The following RELCH variants were observed in gnomAD, a reference collection of about 807,000 sequenced individuals.
RELCH encodes the protein RAB11 binding and LisH domain, coiled-coil and HEAT repeat containing.
RELCH carries 41 observed loss-of-function variants against 150.3 expected under a neutral mutation model. The ratio of observed to expected loss-of-function variants is 0.27; its 90% CI spans 0.21 to 0.35. The LOEUF (loss-of-function observed/expected upper bound fraction) is 0.35, where lower values mean the gene tolerates loss of function less well. Ranked by LOEUF, RELCH falls within the 10% of genes least tolerant of loss-of-function variation. RELCH has a pLI of 1.00. For missense variants in RELCH, 1,092 were observed against 1,467.8 expected (o/e 0.74, Z 4.18); for synonymous variants, 478 against 531.8 (o/e 0.90, Z 1.39).
At chr18:62,253,291 GTGTGTGTGTGTGTGTGTGTGTA>G (rs2042824818) in intron 12 of RELCH, among the ~76,000 whole-genome samples, 1 of 149,572 alleles carries the variant, frequency 6.7e-6, no homozygotes, top group African/African-American at 2.5e-5. Flanking sequence ...GTGTGTGTGT[GTGTGTGTGTGTGTGTGTGTGTA>G]AATAGAAATA....
At chr18:62,270,864 A>G (rs2043859198) in intron 20 of RELCH, among the ~76,000 whole-genome samples, 1 of 150,740 alleles carries the variant, frequency 6.6e-6, no homozygotes, top group African/African-American at 2.4e-5. Flanking sequence ...CTCATTGTTC[A>G]ATTCCCACCT....
chr18:62,231,310 T>C, intron 9 of RELCH, 41 bp downstream of exon 9: 1 of 1,250,516 alleles, frequency 8.0e-7, no homozygotes, highest in South Asian at 1.2e-5. Context: ...TTAAAAACAT[T>C]CTACTGTTTT....
chr18:62,273,243 C>T (rs568629643), intron 20 of RELCH, among the ~76,000 whole-genome samples: 55 of 151,864 alleles, frequency 3.6e-4, no homozygotes, highest in African/African-American at 1.2e-3. Flanking sequence ...CTTAATTTAG[C>T]GGGTTTTCTT....
chr18:62,271,382 A>T (rs1161394521), intron 20 of RELCH, among the ~76,000 whole-genome samples: 1 of 152,120 alleles, frequency 6.6e-6, no homozygotes, highest in Non-Finnish European at 1.5e-5. Flanking sequence ...GGCTGCATAA[A>T]TGTCTTCTTT....
At chr18:62,263,958 A>G (rs371741940) in intron 16 of RELCH, 31 bp from the exon 17 acceptor site, 215 of 1,585,106 alleles carry the variant, frequency 1.4e-4, no homozygotes, top group Non-Finnish European at 1.5e-4. Context: ...GCCAATTTCC[A>G]TATGATTTAT....
At chr18:62,244,720 C>G in intron 10 of RELCH, 44 bp from the exon 11 acceptor site, 4 of 1,206,876 alleles carry the variant, frequency 3.3e-6, no homozygotes, top group Non-Finnish European at 4.9e-6. Flanking sequence ...GAATATTCTG[C>G]AATGTGTTTT....
chr18:62,278,360 T>C (rs1215550421), intron 22 of RELCH, among the ~76,000 whole-genome samples: 1 of 152,196 alleles, frequency 6.6e-6, no homozygotes, highest in Non-Finnish European at 1.5e-5. Context: ...ATGTTTAAGA[T>C]ATTAAAAGTT....
intron 1 of RELCH, among the ~76,000 whole-genome samples, chr18:62,207,834 A>ATG (rs2039908702): frequency 6.6e-6 from 1 of 152,198 alleles, no homozygotes; most frequent in Non-Finnish European, 1.5e-5. Context: ...CCATTCTCCT[A>ATG]TGATGCCAGC....
chr18:62,227,324 T>C lies in RELCH; in HGVS notation c.894T>C (p.Ile298=). 4 of 1,611,104 alleles carry C rather than the reference T, an allele frequency of 2.5e-6. No homozygotes were observed. Among genetic ancestry groups the C allele is most frequent in the Non-Finnish European group, 3.4e-6 (4 of 1,177,696 alleles). Residue 298 remains isoleucine (I), a synonymous_variant, in exon 6 of 29, where the codon ATT becomes ATC. Coordinates refer to ENST00000644646, the MANE Select transcript of RELCH (RefSeq NM_001346231.2). Reference sequence around the variant, plus strand: ...TATGGGATGATGTAGGATTAAACATTCCAAAACCTCCAGACTTATTGCAAC... The same window carrying C: ...TATGGGATGATGTAGGATTAAACATCCCAAAACCTCCAGACTTATTGCAAC... ...FELWDDVGLN[I]PKPPDLLQLY...
intron 20 of RELCH, among the ~76,000 whole-genome samples, chr18:62,272,373 T>G (rs2043951598): frequency 6.6e-6 from 1 of 152,150 alleles, no homozygotes; most frequent in Non-Finnish European, 1.5e-5. Context: ...ATAAATAACA[T>G]TTTAAATCAT....
chr18:62,249,532 TA>T (rs2148522278), intron 11 of RELCH, among the ~76,000 whole-genome samples: 1 of 152,290 alleles, frequency 6.6e-6, no homozygotes, highest in South Asian at 2.1e-4. Flanking sequence ...TTTTTTCCTT[TA>T]AAAATACCAT....
In RELCH at chr18:62,282,171, A is replaced by G. The variant is rs191258091; in HGVS notation, c.3115-135A>G. ...TTAAATAACTATTTATTTAATTCCA[A>G]ATTTCTACTGTCATTGGACTATAGG... On this transcript the variant is annotated intron_variant, in intron 24 of 28. Coordinates refer to ENST00000644646, the MANE Select transcript of RELCH (RefSeq NM_001346231.2). The G allele has an allele frequency of 4.1e-5, 24 of 588,674 alleles. No individual in the cohort carries two copies. The East Asian group carries it at 6.6e-4, about 16-fold the overall frequency. 36.5% of individuals were successfully genotyped at this position (588,674 alleles called of 1,614,324 possible).
chr18:62,216,403 A>G (rs2040479827), intron 2 of RELCH, among the ~76,000 whole-genome samples: 1 of 152,114 alleles, frequency 6.6e-6, no homozygotes. Context: ...ATCTTTTAGC[A>G]TCAGATATGT....
At chr18:62,282,938 G>A (rs543957329) in intron 25 of RELCH, among the ~76,000 whole-genome samples, 4 of 152,296 alleles carry the variant, frequency 2.6e-5, no homozygotes, top group South Asian at 4.1e-4. Context: ...GATTACAGGC[G>A]TGAACCACCG....
In RELCH at chr18:62,291,603, A is replaced by C; in HGVS notation, c.3431A>C (p.Asp1144Ala). 1 of 1,609,216 alleles carries C rather than the reference A, an allele frequency of 6.2e-7. No individual in the cohort carries two copies. Among genetic ancestry groups the C allele is most frequent in the Non-Finnish European group, 8.5e-7 (1 of 1,177,196 alleles). Residue 1144 changes from aspartate to alanine, a missense_variant, in exon 27 of 29, where the codon GAC (aspartate) becomes GCC (alanine). Physicochemically the swap from Asp to Ala is moderately radical, Grantham distance 126. Around this residue, in one of 4 missense-constraint regions of RELCH, gnomAD observed 707 missense variants for 1,025.4 expected, o/e 0.69. Coordinates refer to ENST00000644646, the MANE Select transcript of RELCH (RefSeq NM_001346231.2). ...FLPGLRCLRT[D>A]MEHLSPEHEV... ...CCTGGTCTCAGATGTTTACGGACTG[A>C]CATGGAACATCTCTCTCCAGAGCAT...
In RELCH at chr18:62,232,163, TTGC is replaced by T. The variant is rs111655462; in HGVS notation, c.1525-154_1525-152del. Among the ~76,000 whole-genome samples, 1,186 of 151,384 alleles carry T rather than the reference TTGC, an allele frequency of 7.8e-3. 16 individuals are homozygous for T. Among genetic ancestry groups the T allele is most frequent in the African/African-American group, 0.028 (1,135 of 41,178 alleles). The stretch of plus-strand genomic sequence containing the variant: ...GTTGATTGGAGCACTGTTGCTGTTG[TTGC>T]TGCTGCTGCTGCTGTTGTTGTTGTT... On this transcript the variant is annotated intron_variant, in intron 9 of 28. Transcript: ENST00000644646.
In RELCH at chr18:62,187,627, T is replaced by C; in HGVS notation, c.122T>C (p.Leu41Pro). The change falls in exon 1 of 29, where the codon CTG becomes CCG. Residue 41 changes from leucine (L) to proline (P), a missense_variant. Leu to Pro is a moderately conservative substitution (Grantham distance 98). Around this residue, in one of 4 missense-constraint regions of RELCH, gnomAD observed 138 missense variants for 124.8 expected, o/e 1.11. Coordinates refer to ENST00000644646, the MANE Select transcript of RELCH (RefSeq NM_001346231.2). ...GAGGAACGGCGGGCAGTACTTCGGC[T>C]GGGCGCCGGAAGTGGCCTAGATCCT... ...ATEERRAVLR[L>P]GAGSGLDPGS... is the part of the protein sequence containing the mutation. 6.5e-7 allele frequency: 1 copy of C among 1,537,670 alleles called. No homozygotes were observed. Among genetic ancestry groups the C allele is most frequent in the Non-Finnish European group, 8.8e-7 (1 of 1,140,492 alleles).
At chr18:62,250,814 G>A (rs1451667618) in intron 11 of RELCH, among the ~76,000 whole-genome samples, 1 of 152,174 alleles carries the variant, frequency 6.6e-6, no homozygotes, top group Non-Finnish European at 1.5e-5. Flanking sequence ...GACATATATT[G>A]AGATATAACA....
chr18:62,227,389 A>G lies in RELCH; in HGVS notation c.959A>G (p.Asp320Gly). Residue 320 changes from aspartate to glycine, a missense_variant, in exon 6 of 29, where the codon GAT (aspartate) becomes GGT (glycine). Asp to Gly is a moderately conservative substitution (Grantham distance 94). Around this residue, in one of 4 missense-constraint regions of RELCH, gnomAD observed 57 missense variants for 41.5 expected, o/e 1.37. Coordinates refer to ENST00000644646, the MANE Select transcript of RELCH (RefSeq NM_001346231.2). The stretch of plus-strand genomic sequence containing the variant: ...GGAAATCATCAAGTAACTGGAAAAG[A>G]TCTTGTAGATGTGGCCAGTGGAGTA... ...DFGNHQVTGKDLVDVASGVEE... is the reference protein window; with the variant it reads ...DFGNHQVTGKGLVDVASGVEE... 1 of 1,612,998 alleles carries G rather than the reference A, an allele frequency of 6.2e-7. No homozygotes were observed. The highest frequency in any genetic ancestry group is 1.7e-5 in the Admixed American group (1 of 59,886).
Sources: allele counts gnomAD v4.1 joint callset (sites outside exome capture counted in the v4.1 genomes callset), GRCh38; gene constraint gnomAD v4.1.1; regional missense constraint gnomAD v4.1.1; transcripts MANE v1.5; gene names NCBI Gene and HGNC (gene_info 2026-07-23, HGNC 2026-07-21).